Variants in SLC5A10 observed in about 807,000 individuals in gnomAD.
The protein encoded by SLC5A10 is sodium/mannose cotransporter SLC5A10.
SLC5A10 carries 55 observed loss-of-function variants against 68.9 expected under a neutral mutation model. The observed-to-expected ratio is 0.80, with a 90% confidence interval of 0.64 to 1.00. The LOEUF (loss-of-function observed/expected upper bound fraction) is 1.00, where lower values mean the gene tolerates loss of function less well. Ranked by LOEUF, SLC5A10 falls within the 50% of genes least tolerant of loss-of-function variation. The pLI, the probability that SLC5A10 is intolerant of heterozygous loss-of-function variation, is 0.00. For synonymous variants in SLC5A10, 344 were observed against 344.8 expected (o/e 1.00, Z 0.02); for missense variants, 732 against 819.3 (o/e 0.89, Z 1.30).
At chr17:18,979,142 T>C in intron 9 of SLC5A10, 1 of 514,168 alleles carries the variant, frequency 1.9e-6, no homozygotes, top group Admixed American at 3.3e-5. Flanking sequence ...CTGTGGGGGG[T>C]TCTGCATGTG....
chr17:18,972,468 G>A (rs2042878694), intron 8 of SLC5A10, among the ~76,000 whole-genome samples: 1 of 152,218 alleles, frequency 6.6e-6, no homozygotes. Context: ...CGAACCCAGA[G>A]TGGAGTGACT....
chr17:19,013,220 A>G (rs1330836830), intron 9 of SLC5A10, 190 bp from the exon 10 acceptor site: 1 of 816,638 alleles, frequency 1.2e-6, no homozygotes, highest in African/African-American at 1.8e-5. Context: ...AACAGCAGGG[A>G]AAAGGATTTT....
rs1194202021 is a variant in SLC5A10, at chr17:19,022,407, G to A, written c.*1976G>A. The A allele has an allele frequency of 7.9e-6, 3 of 377,778 alleles. No homozygotes were observed. Among genetic ancestry groups the A allele is most frequent in the East Asian group, 7.7e-5 (2 of 25,950 alleles). The allele number at this position is 377,778 out of a possible 1,614,324, so 23.4% of individuals were successfully genotyped here. ...CCAGCTGGGACAATAGGGCTGGTGG[G>A]TCAGGGGACCTGAGTCCTGGTCCTT... On this transcript the variant is annotated 3_prime_UTR_variant, in exon 15 of 15. Transcript: ENST00000395645.
intron 9 of SLC5A10, among the ~76,000 whole-genome samples, chr17:18,979,985 CAG>C (rs2043088379): frequency 6.6e-6 from 1 of 152,148 alleles, no homozygotes; most frequent in South Asian, 2.1e-4. Context: ...CTTACACAGC[CAG>C]CCAGCTTGGG....
intron 9 of SLC5A10, chr17:18,977,951 AGCCCCACCCCGAGGCTCTCGGGGT>A (rs1364348363): frequency 1.2e-6 from 2 of 1,601,670 alleles, no homozygotes; most frequent in African/African-American, 2.7e-5. Context: ...CCCATTGGGG[AGCCCCACCCCGAGGCTCTCGGGGT>A]CATCCTGGGT....
chr17:19,013,457 G>T lies in SLC5A10; in HGVS notation c.1030G>T (p.Ala344Ser). 6.2e-7 allele frequency: 1 copy of T among 1,604,674 alleles called. No individual in the cohort carries two copies. The highest frequency in any genetic ancestry group is 8.5e-7 in the Non-Finnish European group (1 of 1,175,496). Reference sequence around the variant, plus strand: ...GTCCGAGTGCCTGCGGGCCTGCGGGGCCGAGGTCGGCTGCTCCAACATCGC... The same window carrying T: ...GTCCGAGTGCCTGCGGGCCTGCGGGTCCGAGGTCGGCTGCTCCAACATCGC... ...VPSECLRACG[A>S]EVGCSNIAYP... The change falls in exon 10 of 15, where the codon GCC becomes TCC. Residue 344 changes from alanine to serine, a missense_variant. Transcript: ENST00000395645.
At position 18,971,168 on chromosome 17, in the gene SLC5A10, AT is replaced by A; in HGVS notation, c.797del (p.Met266ArgfsTer5). ...PHTGDLPWTG[M>X]TFGLTIMATW... ...CACAGGGGACCTGCCGTGGACCGGG[AT>A]GACCTTTGGCCTGACCATCATGGCC... is the stretch of plus-strand genomic sequence containing the variant. On this transcript the variant is annotated frameshift_variant, in exon 8 of 15. Coordinates refer to ENST00000395645, the MANE Select transcript of SLC5A10 (RefSeq NM_001042450.4). LOFTEE classifies it high-confidence loss of function. This position sits in a 1 kb window ranked among gnomAD's most constrained non-coding sequence, Gnocchi z 5.5. 6.2e-7 allele frequency: 1 copy of A among 1,614,080 alleles called. No homozygotes were observed. The highest frequency in any genetic ancestry group is 8.5e-7 in the Non-Finnish European group (1 of 1,180,030).
intron 1 of SLC5A10, 121 bp from the exon 2 acceptor site, chr17:18,958,561 C>T (rs569152631): frequency 4.1e-6 from 3 of 738,002 alleles, no homozygotes; most frequent in Non-Finnish European, 7.0e-6. Flanking sequence ...AGGAGTGGAA[C>T]TTCTGGGTCA....
upstream of SLC5A10, chr17:18,952,028 G>C (rs373458541): frequency 5.8e-6 from 6 of 1,032,340 alleles, no homozygotes; most frequent in East Asian, 1.4e-4. Flanking sequence ...CCACCATGGG[G>C]TGAGGAAGCT....
chr17:19,021,744 G>A lies in SLC5A10; in HGVS notation c.*1313G>A, dbSNP rs2044267546. ...GCAGCCAATGGAAAGCAACCAGCCAGGAAGCCCCGGAGCTACCCTTGCTGG... is the reference window on the plus strand; with the variant it reads ...GCAGCCAATGGAAAGCAACCAGCCAAGAAGCCCCGGAGCTACCCTTGCTGG... On this transcript the variant is annotated 3_prime_UTR_variant, in exon 15 of 15. Coordinates refer to ENST00000395645, the MANE Select transcript of SLC5A10 (RefSeq NM_001042450.4). This position sits in a 1 kb window ranked among gnomAD's most constrained non-coding sequence, Gnocchi z 4.1. 1 of 418,992 alleles carries A rather than the reference G, an allele frequency of 2.4e-6. No homozygotes were observed. Among genetic ancestry groups the A allele is most frequent in the Admixed American group, 4.4e-5 (1 of 22,812 alleles). 26.0% of individuals were successfully genotyped at this position (418,992 alleles called of 1,614,324 possible). A position where few individuals can be genotyped will look rare whatever the true frequency, so the allele number is the denominator to read the frequency against.
intron 8 of SLC5A10, among the ~76,000 whole-genome samples, chr17:18,974,192 A>G (rs1183063894): frequency 6.6e-6 from 1 of 151,630 alleles, no homozygotes; most frequent in Non-Finnish European, 1.5e-5. Context: ...TGCCCAGCCA[A>G]TTTTTGTATT....
Position 19,020,610 on chromosome 17 carries a change from G to A in SLC5A10, c.*179G>A. 1.7e-6 allele frequency: 1 copy of A among 594,768 alleles called. No individual in the cohort carries two copies. Among genetic ancestry groups the A allele is most frequent in the South Asian group, 2.1e-5 (1 of 47,552 alleles). The allele number at this position is 594,768 out of a possible 1,614,324, so 36.8% of individuals were successfully genotyped here. ...CCCTGAAAAATTAGGGGGGAAATGG[G>A]AGAAAATAATGTGACATTTCAAAAA... On this transcript the variant is annotated 3_prime_UTR_variant, in exon 15 of 15. Coordinates refer to ENST00000395645, the MANE Select transcript of SLC5A10 (RefSeq NM_001042450.4).
intron 9 of SLC5A10, among the ~76,000 whole-genome samples, chr17:19,011,905 C>T (rs887271608): frequency 4.0e-5 from 6 of 150,916 alleles, no homozygotes; most frequent in Non-Finnish European, 5.9e-5. Context: ...TAAGAAGGGA[C>T]GTATCAGAAG....
rs1330424635 is a variant in SLC5A10 at position 18,970,706 on chromosome 17, A to C, written c.641-307A>C. 1.3e-5 allele frequency: 5 copies of C among 399,836 alleles called. No homozygotes were observed. The East Asian group carries it at 1.4e-4, about 11-fold the overall frequency. 24.8% of individuals were successfully genotyped at this position (399,836 alleles called of 1,614,324 possible). On this transcript the variant is annotated intron_variant, in intron 7 of 14. Coordinates refer to ENST00000395645, the MANE Select transcript of SLC5A10 (RefSeq NM_001042450.4). ...AACCTGGCTGAGAACCACTTGCCCAAGGCCGATGAGTGTCCAGAGGCCAAC... is the reference window on the plus strand; with the variant it reads ...AACCTGGCTGAGAACCACTTGCCCACGGCCGATGAGTGTCCAGAGGCCAAC...
intron 9 of SLC5A10, among the ~76,000 whole-genome samples, chr17:18,998,450 A>G (rs2043625491): frequency 6.6e-6 from 1 of 152,164 alleles, no homozygotes; most frequent in African/African-American, 2.4e-5. Context: ...GTCCAGCCAC[A>G]CCTAAGACCC....
intron 10 of SLC5A10, among the ~76,000 whole-genome samples, chr17:19,014,815 C>A (rs1029195689): frequency 2.6e-5 from 4 of 152,154 alleles, no homozygotes; most frequent in African/African-American, 9.7e-5. Flanking sequence ...GCCAGCAAGC[C>A]TAGGGCTCAA....
In SLC5A10 at chr17:19,021,184, T is replaced by C. The variant is rs936487761; in HGVS notation, c.*753T>C. 1 of 152,276 alleles carries C rather than the reference T, an allele frequency of 6.6e-6. No homozygotes were observed. The highest frequency in any genetic ancestry group is 2.4e-5 in the African/African-American group (1 of 41,452). The allele number at this position is 152,276 out of a possible 1,614,324, so 9.4% of individuals were successfully genotyped here. On this transcript the variant is annotated 3_prime_UTR_variant, in exon 15 of 15. Coordinates refer to ENST00000395645, the MANE Select transcript of SLC5A10 (RefSeq NM_001042450.4). The surrounding 1 kb of genome is among the most constrained non-coding windows in gnomAD (Gnocchi z 4.1). The stretch of plus-strand genomic sequence containing the variant: ...GGAGGTTTCTCAGCCTCCTGAGAGC[T>C]CTGCTGGGCCCCGGTCTGGGCAGAA...
chr17:19,012,947 T>C (rs1555580239), intron 9 of SLC5A10, among the ~76,000 whole-genome samples: 1 of 152,062 alleles, frequency 6.6e-6, no homozygotes, highest in Non-Finnish European at 1.5e-5. Flanking sequence ...CGGCTGCCCA[T>C]GGACAGACGC....
At chr17:19,006,396 CTTTTTTCTTTTTTT>C (rs1470911137) in intron 9 of SLC5A10, among the ~76,000 whole-genome samples, 2 of 148,854 alleles carry the variant, frequency 1.3e-5, no homozygotes, top group Non-Finnish European at 3.0e-5. Context: ...TTTCTTTTTT[CTTTTTTCTTTTTTT>C]TTTTTTTTTG....
Sources: gnomAD v4.1 joint callset for allele counts (sites outside exome capture counted in the v4.1 genomes callset) on GRCh38, gnomAD v4.1.1 for gene constraint, Gnocchi (gnomAD v3.1) non-coding constraint, MANE v1.5 for transcripts, NCBI Gene and HGNC (gene_info 2026-07-23, HGNC 2026-07-21) for gene names.